Variants in TAFA4 observed in about 807,000 individuals in gnomAD.
TAFA4 encodes chemokine-like protein TAFA-4.
A neutral mutation model predicts 21.1 loss-of-function variants in TAFA4; 20 were observed. That is an observed-to-expected ratio of 0.95 (90% CI 0.67 to 1.38). The LOEUF (loss-of-function observed/expected upper bound fraction) is 1.38. Among genes scored for constraint, TAFA4 ranks in the 40% most tolerant of loss-of-function variants. TAFA4 has a pLI of 0.00. For missense variants in TAFA4, 211 were observed against 180.9 expected, an observed-to-expected ratio of 1.17 and a Z score of -0.95; for synonymous variants, 71 against 67.4, an observed-to-expected ratio of 1.05 and a Z score of -0.26.
intron 3 of TAFA4, 74 bp downstream of exon 3, chr3:68,880,656 G>A: frequency 8.2e-7 from 1 of 1,224,574 alleles, no homozygotes; most frequent in Non-Finnish European, 1.2e-6. Flanking sequence ...AGTTATCTGT[G>A]TCTAAAATGT....
At chr3:68,900,083 A>C (rs2314312) in intron 1 of TAFA4, among the ~76,000 whole-genome samples, 337 of 9,274 alleles carry the variant, frequency 0.036, 4 homozygotes, top group South Asian at 0.13. Context: ...TACACACACA[A>C]AAAAAAAAAA....
chr3:68,880,747 T>A lies in TAFA4; in HGVS notation c.113A>T (p.His38Leu). 1 of 1,613,892 alleles carries A rather than the reference T, an allele frequency of 6.2e-7. No individual in the cohort carries two copies. The highest frequency in any genetic ancestry group is 8.5e-7 in the Non-Finnish European group (1 of 1,179,940). The change falls in exon 3 of 6, where the codon CAC becomes CTC. Residue 38 changes from histidine to leucine, a missense_variant. His to Leu is a moderately conservative substitution (Grantham distance 99). Transcript: ENST00000295569. Reference sequence around the variant, plus strand: ...GGGCTTACCTGCATGTCCCCGGAGGTGCTGGCTTGAGGCGGACATCAGCTT... The same window carrying A: ...GGGCTTACCTGCATGTCCCCGGAGGAGCTGGCTTGAGGCGGACATCAGCTT... ...CCKLMSASSQ[H>L]LRGHAGHHQI...
At chr3:68,825,870 A>T (rs1200018942) in intron 3 of TAFA4, among the ~76,000 whole-genome samples, 1 of 152,190 alleles carries the variant, frequency 6.6e-6, no homozygotes, top group Non-Finnish European at 1.5e-5. Flanking sequence ...GGATGTGAAG[A>T]GGGAATAAGT....
At chr3:68,928,275 G>C (rs778119392) in intron 1 of TAFA4, among the ~76,000 whole-genome samples, 4 of 152,164 alleles carry the variant, frequency 2.6e-5, no homozygotes, top group Admixed American at 2.0e-4. Flanking sequence ...ACACGCTACA[G>C]CTGGCACATA....
intron 3 of TAFA4, among the ~76,000 whole-genome samples, chr3:68,834,348 T>A (rs1396670662): frequency 1.2e-4 from 19 of 152,206 alleles, no homozygotes; most frequent in Non-Finnish European, 2.5e-4. Flanking sequence ...TATTATCAAT[T>A]ATACAGCTGA....
intron 3 of TAFA4, among the ~76,000 whole-genome samples, chr3:68,857,053 A>G (rs1340853312): frequency 6.6e-6 from 1 of 152,194 alleles, no homozygotes; most frequent in Non-Finnish European, 1.5e-5. Context: ...TACTAAAATA[A>G]TAATTACTAT....
At chr3:68,768,575 G>T (rs1483937748) in intron 3 of TAFA4, among the ~76,000 whole-genome samples, 2 of 152,236 alleles carry the variant, frequency 1.3e-5, no homozygotes, top group East Asian at 3.9e-4. Flanking sequence ...ACTATCTCAT[G>T]TTCCAGCAAT....
At position 68,843,095 on chromosome 3, in the gene TAFA4, GA is replaced by G. The variant is rs544771320; in HGVS notation, c.130+37634del. On this transcript the variant is annotated intron_variant, in intron 3 of 5. Transcript: ENST00000295569. ...AGAAAGTCAATGGTGGTTTGTTGGG[GA>G]TAGCGTTGAATCTATAATTACTTTG... Among the ~76,000 whole-genome samples the G allele has an allele frequency of 3.1e-4, 47 of 152,266 alleles. No homozygotes were observed. In the Middle Eastern group the frequency reaches 0.01, roughly 33 times the overall value.
chr3:68,768,281 A>C (rs1051219931), intron 3 of TAFA4, among the ~76,000 whole-genome samples: 5 of 152,208 alleles, frequency 3.3e-5, no homozygotes, highest in African/African-American at 1.2e-4. Context: ...TAATCCATTG[A>C]AAAATGGGCA....
chr3:68,837,601 G>A (rs1016593551), intron 3 of TAFA4, among the ~76,000 whole-genome samples: 1 of 152,060 alleles, frequency 6.6e-6, no homozygotes, highest in South Asian at 2.1e-4. Context: ...CAGAGGTGGG[G>A]GTCAAAGATT....
At chr3:68,757,208 C>T (rs1702675574) in intron 3 of TAFA4, among the ~76,000 whole-genome samples, 1 of 152,016 alleles carries the variant, frequency 6.6e-6, no homozygotes, top group Non-Finnish European at 1.5e-5. Context: ...TTGGTGAGCG[C>T]TCTCCTCCTG....
chr3:68,930,115 G>C (rs994359701), intron 1 of TAFA4, among the ~76,000 whole-genome samples: 1 of 152,128 alleles, frequency 6.6e-6, no homozygotes, highest in East Asian at 1.9e-4. Context: ...AGGTGGTAGC[G>C]GGGAGCAAAG....
intron 3 of TAFA4, among the ~76,000 whole-genome samples, chr3:68,789,810 A>G (rs1703329965): frequency 6.6e-6 from 1 of 152,238 alleles, no homozygotes; most frequent in Admixed American, 6.5e-5. Flanking sequence ...AGAAAACAAA[A>G]GAAATGCACA....
intron 3 of TAFA4, among the ~76,000 whole-genome samples, chr3:68,858,592 G>GTC (rs1286596191): frequency 6.6e-6 from 1 of 151,520 alleles, no homozygotes; most frequent in Non-Finnish European, 1.5e-5. Flanking sequence ...GTGTGTGTGT[G>GTC]TGTGTGTGTG....
intron 3 of TAFA4, among the ~76,000 whole-genome samples, chr3:68,872,394 G>T (rs2089492787): frequency 6.6e-6 from 1 of 152,032 alleles, no homozygotes; most frequent in Non-Finnish European, 1.5e-5. Flanking sequence ...GTTACCAGGG[G>T]CTAGGAAGGG....
At chr3:68,822,368 A>G (rs1046612490) in intron 3 of TAFA4, among the ~76,000 whole-genome samples, 2 of 152,296 alleles carry the variant, frequency 1.3e-5, no homozygotes, top group South Asian at 4.1e-4. Flanking sequence ...GGCCAGCACA[A>G]TCTACTTGGC....
intron 3 of TAFA4, among the ~76,000 whole-genome samples, chr3:68,831,339 C>T (rs1172301465): frequency 6.6e-6 from 1 of 152,136 alleles, no homozygotes; most frequent in Admixed American, 6.5e-5. Flanking sequence ...TGTCCCTTTC[C>T]ATGTTTAGTG....
At chr3:68,922,124 T>G (rs1271999146) in intron 1 of TAFA4, among the ~76,000 whole-genome samples, 1 of 152,220 alleles carries the variant, frequency 6.6e-6, no homozygotes, top group East Asian at 1.9e-4. Flanking sequence ...ACAACCTTAT[T>G]TTTATAAAAA....
intron 3 of TAFA4, among the ~76,000 whole-genome samples, chr3:68,839,983 T>C (rs1704621409): frequency 6.6e-6 from 1 of 152,174 alleles, no homozygotes; most frequent in African/African-American, 2.4e-5. Context: ...GAGAGAAATG[T>C]GGCTGTCTTA....
Sources: gnomAD v4.1 joint callset for allele counts (sites outside exome capture counted in the v4.1 genomes callset) on GRCh38, gnomAD v4.1.1 for gene constraint, MANE v1.5 for transcripts, NCBI Gene and HGNC (gene_info 2026-07-23, HGNC 2026-07-21) for gene names.